The following KAT6B variants were observed in gnomAD, a reference collection of about 807,000 sequenced individuals.
The protein encoded by KAT6B is histone acetyltransferase KAT6B.
In KAT6B, 10 loss-of-function variants were observed where a neutral mutation model predicts 187.5. The ratio of observed to expected loss-of-function variants is 0.05; its 90% CI spans 0.03 to 0.09. The LOEUF is 0.09. KAT6B is among the 10% of genes least tolerant of loss of function. The pLI is 1.00. For synonymous variants in KAT6B, 861 were observed against 926.8 expected (o/e 0.93, Z 1.29); for missense variants, 1,952 against 2,558.9 (o/e 0.76, Z 5.12).
chr10:74,903,299 G>A (rs1846529000), intron 3 of KAT6B, among the ~76,000 whole-genome samples: 1 of 152,166 alleles, frequency 6.6e-6, no homozygotes, highest in Non-Finnish European at 1.5e-5. Flanking sequence ...GCATGTTTGA[G>A]ATATCACCCA....
At chr10:74,970,888 A>G (rs1390508252) in intron 6 of KAT6B, among the ~76,000 whole-genome samples, 4 of 152,206 alleles carry the variant, frequency 2.6e-5, no homozygotes, top group Non-Finnish European at 5.9e-5. Flanking sequence ...CCCCTACATC[A>G]TTAAATATTC....
chr10:75,025,078 G>A lies in KAT6B; in HGVS notation c.3493G>A (p.Glu1165Lys), dbSNP rs775734222. The part of the protein sequence containing the change: ...VLNEPFDNSD[E>K]ERPMPQLEPT... Reference sequence around the variant, plus strand: ...GAATGAGCCCTTTGACAACTCAGATGAAGAGAGGCCAATGCCACAGCTGGA... The same window carrying A: ...GAATGAGCCCTTTGACAACTCAGATAAAGAGAGGCCAATGCCACAGCTGGA... The change falls in exon 17 of 18, where the codon GAA (glutamate) becomes AAA (lysine). Residue 1165 changes from glutamate (E) to lysine (K), a missense_variant. Transcript: ENST00000287239. The A allele has an allele frequency of 1.2e-6, 2 of 1,614,238 alleles. No individual in the cohort carries two copies. Among genetic ancestry groups the A allele is most frequent in the South Asian group, 1.1e-5 (1 of 91,084 alleles).
At chr10:74,846,721 G>T (rs1476555029) in intron 3 of KAT6B, among the ~76,000 whole-genome samples, 1 of 152,208 alleles carries the variant, frequency 6.6e-6, no homozygotes, top group Non-Finnish European at 1.5e-5. Context: ...ACAGGCGTGA[G>T]CCACTGTGCC....
intron 12 of KAT6B, among the ~76,000 whole-genome samples, chr10:74,987,573 G>A (rs188782399): frequency 6.6e-6 from 1 of 152,364 alleles, no homozygotes. Context: ...AGAAGGGCTG[G>A]AATGACCTGG....
intron 3 of KAT6B, among the ~76,000 whole-genome samples, chr10:74,922,491 G>A (rs1487063983): frequency 6.6e-6 from 1 of 152,196 alleles, no homozygotes; most frequent in Non-Finnish European, 1.5e-5. Flanking sequence ...AAGCATACCA[G>A]TGTGCTCTTT....
intron 3 of KAT6B, among the ~76,000 whole-genome samples, chr10:74,864,452 G>A (rs761365591): frequency 2.5e-4 from 38 of 152,042 alleles, no homozygotes; most frequent in Non-Finnish European, 5.6e-4. Flanking sequence ...TGTTGGCCAG[G>A]CTGGTCTCGA....
At chr10:74,833,623 G>A (rs774159399) in intron 1 of KAT6B, among the ~76,000 whole-genome samples, 1 of 152,120 alleles carries the variant, frequency 6.6e-6, no homozygotes, top group African/African-American at 2.4e-5. Context: ...GTTTATTGAT[G>A]GTTCAGTTAT....
chr10:74,878,621 A>C (rs1211726802), intron 3 of KAT6B, among the ~76,000 whole-genome samples: 2 of 93,232 alleles, frequency 2.1e-5, no homozygotes, highest in African/African-American at 2.3e-4. Flanking sequence ...CTCCATCTCA[A>C]AAAAAAAAAA....
chr10:74,924,392 A>G (rs1255734932), intron 3 of KAT6B, among the ~76,000 whole-genome samples: 1 of 152,240 alleles, frequency 6.6e-6, no homozygotes, highest in East Asian at 1.9e-4. Flanking sequence ...ATAGCAATGC[A>G]TGCTGTCAGT....
At chr10:74,889,554 A>G (rs1183435709) in intron 3 of KAT6B, among the ~76,000 whole-genome samples, 1 of 152,204 alleles carries the variant, frequency 6.6e-6, no homozygotes, top group East Asian at 1.9e-4. Context: ...TTCTCTCCCC[A>G]CAAGGTGGTG....
At chr10:74,914,047 G>A (rs544044797) in intron 3 of KAT6B, among the ~76,000 whole-genome samples, 4 of 152,088 alleles carry the variant, frequency 2.6e-5, no homozygotes, top group Non-Finnish European at 4.4e-5. Context: ...TTAGCCGGGC[G>A]TGGTGGCGGG....
chr10:74,960,201 T>G, intron 4 of KAT6B, 123 bp downstream of exon 4: 1 of 747,036 alleles, frequency 1.3e-6, no homozygotes, highest in Non-Finnish European at 2.4e-6. Context: ...GCATAGGCTT[T>G]AAATTTTAAA....
At chr10:74,933,391 C>T (rs547326272) in intron 3 of KAT6B, among the ~76,000 whole-genome samples, 11 of 152,156 alleles carry the variant, frequency 7.2e-5, no homozygotes, top group East Asian at 3.9e-4. Flanking sequence ...TGTAGGTCAC[C>T]GTTGATTTTT....
At chr10:74,865,674 C>A (rs1227524053) in intron 3 of KAT6B, among the ~76,000 whole-genome samples, 1 of 152,026 alleles carries the variant, frequency 6.6e-6, no homozygotes, top group African/African-American at 2.4e-5. Context: ...CACCACCACG[C>A]CTGGCTAATT....
chr10:74,972,991 G>A (rs945645659), intron 7 of KAT6B, among the ~76,000 whole-genome samples: 2 of 152,116 alleles, frequency 1.3e-5, no homozygotes, highest in Non-Finnish European at 2.9e-5. Context: ...ATTTTAAAAC[G>A]AGAGGGATTT....
In KAT6B at chr10:74,951,492, G is replaced by T. The variant is rs79925048; in HGVS notation, c.622-8478G>T. Among the ~76,000 whole-genome samples the T allele has an allele frequency of 4.5e-4, 68 of 152,070 alleles. 1 individual carries two copies. In the East Asian group the frequency reaches 0.012, roughly 27 times the overall value. On this transcript the variant is annotated intron_variant, in intron 3 of 17. Transcript: ENST00000287239. ...TTTGTAGAGATGGAAAGAAATAGCG[G>T]GACTGGGGAGGGGGAGTGCCACCAC...
At chr10:74,842,151 A>C (rs1841789887) in intron 2 of KAT6B, among the ~76,000 whole-genome samples, 1 of 152,232 alleles carries the variant, frequency 6.6e-6, no homozygotes, top group African/African-American at 2.4e-5. Context: ...CTTGGGAAAT[A>C]CAATACCTAG....
At chr10:74,901,831 CTTTTA>C (rs1002591353) in intron 3 of KAT6B, among the ~76,000 whole-genome samples, 30 of 152,172 alleles carry the variant, frequency 2.0e-4, no homozygotes, top group Admixed American at 5.2e-4. Context: ...TCTTTAAAAA[CTTTTA>C]TTTTAATTTT....
intron 3 of KAT6B, among the ~76,000 whole-genome samples, chr10:74,951,607 T>C (rs1445931633): frequency 6.6e-6 from 1 of 152,216 alleles, no homozygotes; most frequent in East Asian, 1.9e-4. Context: ...CAAGCCCTAA[T>C]AGTGAATACT....
Sources: gnomAD v4.1 joint callset for allele counts (sites outside exome capture counted in the v4.1 genomes callset) on GRCh38, gnomAD v4.1.1 for gene constraint, MANE v1.5 for transcripts, NCBI Gene and HGNC (gene_info 2026-07-23, HGNC 2026-07-21) for gene names.